The following MCM10 variants were observed in gnomAD, a reference collection of about 807,000 sequenced individuals.
MCM10 encodes the protein protein MCM10 homolog.
MCM10 carries 91 observed loss-of-function variants against 109.9 expected under a neutral mutation model. The ratio of observed to expected loss-of-function variants is 0.83; its 90% CI spans 0.70 to 0.99. The LOEUF (loss-of-function observed/expected upper bound fraction) is 0.99. Among genes scored for constraint, MCM10 ranks in the 50% least tolerant of loss-of-function variants. The pLI is 0.00. For synonymous variants in MCM10, 380 were observed against 387.2 expected (o/e 0.98, Z 0.22); for missense variants, 1,077 against 1,061.2 (o/e 1.01, Z -0.21).
At chr10:13,204,983 CATGTATGTATGT>C (rs1291438585) in intron 18 of MCM10, among the ~76,000 whole-genome samples, 378 of 33,268 alleles carry the variant, frequency 0.011, 10 homozygotes, top group Middle Eastern at 0.032. Context: ...TTGTGCTTCT[CATGTATGTATGT>C]ATGTATGTAT....
At chr10:13,200,406 G>A (rs935440260) in intron 16 of MCM10, among the ~76,000 whole-genome samples, 10 of 152,184 alleles carry the variant, frequency 6.6e-5, no homozygotes, top group Admixed American at 1.3e-4. Flanking sequence ...GCAATGAAAA[G>A]GAAAGTGCTC....
chr10:13,171,780 T>C (rs78273221), intron 3 of MCM10, among the ~76,000 whole-genome samples: 1 of 151,840 alleles, frequency 6.6e-6, no homozygotes, highest in Non-Finnish European at 1.5e-5. Flanking sequence ...TTTTTTTTTT[T>C]CCGAGACAGA....
At chr10:13,181,206 C>T (rs1834205071) in intron 7 of MCM10, among the ~76,000 whole-genome samples, 1 of 152,062 alleles carries the variant, frequency 6.6e-6, no homozygotes, top group Non-Finnish European at 1.5e-5. Context: ...CTTTCTTTAC[C>T]GGCTTCCATT....
intron 13 of MCM10, among the ~76,000 whole-genome samples, chr10:13,192,887 C>T (rs373848197): frequency 2.0e-5 from 3 of 151,752 alleles, no homozygotes; most frequent in Non-Finnish European, 4.4e-5. Flanking sequence ...TTCTCTCTCT[C>T]TCTCTTTTTT....
chr10:13,166,661 C>T (rs12250952), intron 2 of MCM10, among the ~76,000 whole-genome samples: 5,677 of 89,208 alleles, frequency 0.064, 430 homozygotes, highest in African/African-American at 0.22. Flanking sequence ...TACATACATA[C>T]ATATATATAT....
At position 13,182,411 on chromosome 10, in the gene MCM10, G is replaced by A. The variant is rs760119965; in HGVS notation, c.931-522G>A. On this transcript the variant is annotated intron_variant, in intron 7 of 19. Coordinates refer to ENST00000378714, the MANE Select transcript of MCM10 (RefSeq NM_018518.5). The surrounding 1 kb of genome is among the most constrained non-coding windows in gnomAD (Gnocchi z 4.2). The stretch of plus-strand genomic sequence containing the variant: ...GGATTCTTTGAGCCCAGGAGTTGGA[G>A]TGAGCAACGGGACATGATTGCACCA... Among the ~76,000 whole-genome samples, 3 of 152,130 alleles carry A rather than the reference G, an allele frequency of 2.0e-5. No homozygotes were observed. Among genetic ancestry groups the A allele is most frequent in the Non-Finnish European group, 2.9e-5 (2 of 68,020 alleles).
intron 16 of MCM10, among the ~76,000 whole-genome samples, chr10:13,201,137 C>G (rs1242594920): frequency 6.6e-6 from 1 of 152,148 alleles, no homozygotes; most frequent in East Asian, 1.9e-4. Context: ...CAGCGAGACT[C>G]CATCTCAAAA....
At chr10:13,166,647 AAAATAC>A (rs1249891956) in intron 2 of MCM10, among the ~76,000 whole-genome samples, 19 of 66,634 alleles carry the variant, frequency 2.9e-4, no homozygotes, top group African/African-American at 1.0e-3. Flanking sequence ...AAAAAAAAAA[AAAATAC>A]ATACATACAT....
intron 8 of MCM10, 139 bp from the exon 9 acceptor site, chr10:13,186,025 G>A: frequency 1.7e-6 from 1 of 589,504 alleles, no homozygotes; most frequent in South Asian, 1.8e-5. Flanking sequence ...GCCTCCCAGA[G>A]TGCTAGGATT....
intron 1 of MCM10, among the ~76,000 whole-genome samples, 152 bp from the exon 2 acceptor site, chr10:13,163,976 G>C (rs1159344445): frequency 6.6e-6 from 1 of 152,328 alleles, no homozygotes; most frequent in Non-Finnish European, 1.5e-5. Context: ...TGGCATTGGC[G>C]GTGTGGAGAG....
intron 2 of MCM10, among the ~76,000 whole-genome samples, chr10:13,168,909 C>A (rs1050869930): frequency 6.6e-6 from 1 of 152,136 alleles, no homozygotes; most frequent in Admixed American, 6.5e-5. Context: ...AAAAAGCAGC[C>A]CCCAAGTAAT....
chr10:13,162,745 T>C (rs1199392129), intron 1 of MCM10, among the ~76,000 whole-genome samples: 2 of 152,126 alleles, frequency 1.3e-5, no homozygotes, highest in Non-Finnish European at 2.9e-5. Context: ...TAGCACAGTG[T>C]GTGGCACATG....
At chr10:13,189,143 G>A (rs1480238969) in intron 10 of MCM10, 63 bp downstream of exon 10, 11 of 1,528,046 alleles carry the variant, frequency 7.2e-6, no homozygotes, top group Non-Finnish European at 1.0e-5. Context: ...AAACCTACTG[G>A]TTGTACCTTC....
At chr10:13,204,186 C>T (rs764050148) in intron 17 of MCM10, 33 bp from the exon 18 acceptor site, 2 of 1,603,486 alleles carry the variant, frequency 1.2e-6, no homozygotes, top group East Asian at 2.2e-5. Context: ...AGGCTCTTCA[C>T]CGGCGGTGTG....
At chr10:13,168,307 C>G (rs1490023567) in intron 2 of MCM10, among the ~76,000 whole-genome samples, 1 of 152,224 alleles carries the variant, frequency 6.6e-6, no homozygotes, top group Non-Finnish European at 1.5e-5. Flanking sequence ...CCTTATACAA[C>G]CTCTGACTGA....
At chr10:13,187,281 T>C (rs1405933679) in intron 9 of MCM10, among the ~76,000 whole-genome samples, 1 of 152,282 alleles carries the variant, frequency 6.6e-6, no homozygotes, top group Non-Finnish European at 1.5e-5. Flanking sequence ...TTTCTCACAA[T>C]TGATCCGTGC....
In MCM10 at chr10:13,189,032, A is replaced by G. The variant is rs1444030016; in HGVS notation, c.1367A>G (p.Asp456Gly). 6.2e-7 allele frequency: 1 copy of G among 1,614,144 alleles called. No homozygotes were observed. Among genetic ancestry groups the G allele is most frequent in the Non-Finnish European group, 8.5e-7 (1 of 1,180,058 alleles). Residue 456 changes from aspartate (D) to glycine (G), a missense_variant, in exon 10 of 20, where the codon GAT (aspartate) becomes GGT (glycine). Coordinates refer to ENST00000378714, the MANE Select transcript of MCM10 (RefSeq NM_018518.5). ...GTSLKERLCQ[D>G]GFYYGGVSSA... ...AGCCTCAAAGAACGGCTGTGCCAAG[A>G]TGGCTTTTACTACGGAGGGGTTTCT... is the stretch of plus-strand genomic sequence containing the variant.
chr10:13,202,069 G>A (rs2131587931), intron 17 of MCM10, among the ~76,000 whole-genome samples: 1 of 152,288 alleles, frequency 6.6e-6, no homozygotes, highest in Middle Eastern at 3.4e-3. Context: ...TTAAAAATGG[G>A]AAGAAAGGGC....
Position 13,170,991 on chromosome 10 carries a change from C to A in MCM10, c.77C>A (p.Ser26Ter). ...EENESALDCNSEENNFLTREN... is the reference protein window; with the variant it reads ...EENESALDCN The stretch of plus-strand genomic sequence containing the variant: ...AATGAGTCAGCCTTGGATTGTAATT[C>A]AGAAGAAAATAACTTCTTGACGCGG... Residue 26 changes from serine (S) to a stop codon, truncating the protein, a stop_gained, in exon 3 of 20, where the codon TCA (serine) becomes TAA (stop). Coordinates refer to ENST00000378714, the MANE Select transcript of MCM10 (RefSeq NM_018518.5). LOFTEE classifies it high-confidence loss of function. 6.2e-7 allele frequency: 1 copy of A among 1,614,220 alleles called. No individual in the cohort carries two copies.
Sources: gnomAD v4.1 joint callset for allele counts (sites outside exome capture counted in the v4.1 genomes callset) on GRCh38, gnomAD v4.1.1 for gene constraint, Gnocchi (gnomAD v3.1) non-coding constraint, MANE v1.5 for transcripts, NCBI Gene and HGNC (gene_info 2026-07-23, HGNC 2026-07-21) for gene names.